Variants in LRRC27 observed in about 807,000 individuals in gnomAD.
LRRC27 encodes leucine-rich repeat-containing protein 27.
A neutral mutation model predicts 55.0 loss-of-function variants in LRRC27; 57 were observed. The ratio of observed to expected loss-of-function variants is 1.04; its 90% CI spans 0.84 to 1.29. The LOEUF is 1.29. Ranked by LOEUF, LRRC27 falls within the 50% of genes most tolerant of loss-of-function variation. The pLI is 0.00. For synonymous variants in LRRC27, 278 were observed against 251.9 expected, an observed-to-expected ratio of 1.10 and a Z score of -0.98; for missense variants, 721 against 651.5, an observed-to-expected ratio of 1.11 and a Z score of -1.16.
rs2069409204 is a variant in LRRC27, at chr10:132,381,466, T to A, written c.*6224T>A. 6.6e-6 allele frequency among the ~76,000 whole-genome samples: 1 copy of A among 152,244 alleles called. No homozygotes were observed. The highest frequency in any genetic ancestry group is 1.5e-5 in the Non-Finnish European group (1 of 68,046). Reference sequence around the variant, plus strand: ...CCTATTGTGGGACTTCACCCTGTGATCCTGTGCCTCAGTTCTCCTTAATAA... The same window carrying A: ...CCTATTGTGGGACTTCACCCTGTGAACCTGTGCCTCAGTTCTCCTTAATAA... On this transcript the variant is annotated 3_prime_UTR_variant, in exon 11 of 11. Transcript: ENST00000368614.
chr10:132,370,617 G>A (rs1328965713), intron 10 of LRRC27, among the ~76,000 whole-genome samples: 1 of 152,224 alleles, frequency 6.6e-6, no homozygotes, highest in Non-Finnish European at 1.5e-5. Context: ...CCGGGCGGGT[G>A]GGCCAGGGGA....
Position 132,336,722 on chromosome 10 carries a change from G to A in LRRC27, c.211-843G>A, listed in dbSNP as rs2067150352. ...CAAGGTCACACAGCCAATAGATTTT[G>A]AAACCTAGATGTGGATCCAGGCAGT... On this transcript the variant is annotated intron_variant, in intron 2 of 10. Transcript: ENST00000368614. The A allele has an allele frequency of 4.0e-6, 3 of 742,446 alleles. No individual in the cohort carries two copies. The East Asian group carries it at 7.5e-5, about 19-fold the overall frequency. 46.0% of individuals were successfully genotyped at this position (742,446 alleles called of 1,614,324 possible).
intron 4 of LRRC27, among the ~76,000 whole-genome samples, chr10:132,343,964 C>A (rs1168608760): frequency 1.3e-5 from 2 of 152,342 alleles, no homozygotes; most frequent in Non-Finnish European, 2.9e-5. Flanking sequence ...ACATAATTTC[C>A]ATTTTTAGTG....
chr10:132,353,277 C>G (rs1238598285), intron 7 of LRRC27: 1 of 1,242,166 alleles, frequency 8.1e-7, no homozygotes, highest in African/African-American at 1.5e-5. Flanking sequence ...CCGACAATCT[C>G]TCCTTCCCTG....
chr10:132,352,752 C>G (rs1227750378), intron 7 of LRRC27: 3 of 967,124 alleles, frequency 3.1e-6, no homozygotes, highest in Non-Finnish European at 4.7e-6. Context: ...TTTGCAGCCC[C>G]GAGGCCTCCC....
rs200153614 is a variant in LRRC27 at position 132,375,285 on chromosome 10, C to G, written c.*43C>G. On this transcript the variant is annotated 3_prime_UTR_variant, in exon 11 of 11. Coordinates refer to ENST00000368614, the MANE Select transcript of LRRC27 (RefSeq NM_030626.3). ...GATGGAGACGTCTTCAGACAGGAGC[C>G]GCTCAGTCTTCTTTCCCGGGCGTCG... 7 of 1,562,710 alleles carry G rather than the reference C, an allele frequency of 4.5e-6. No homozygotes were observed. The highest frequency in any genetic ancestry group is 6.1e-6 in the Non-Finnish European group (7 of 1,148,570).
rs1590717717 is a variant in LRRC27 at position 132,364,463 on chromosome 10, A to G, written c.1290-961A>G. ...TACCTCCACACCCACACTCACACCC[A>G]CCCACACTTACACCCACCCACACTT... On this transcript the variant is annotated intron_variant, in intron 9 of 10. Coordinates refer to ENST00000368614, the MANE Select transcript of LRRC27 (RefSeq NM_030626.3). Among the ~76,000 whole-genome samples, 28 of 132,056 alleles carry G rather than the reference A, an allele frequency of 2.1e-4. 1 individual carries two copies. Among genetic ancestry groups the G allele is most frequent in the African/African-American group, 3.0e-4 (10 of 33,686 alleles). 86.6% of individuals were successfully genotyped at this position (132,056 alleles called of 152,430 possible). A position where few individuals can be genotyped will look rare whatever the true frequency, so the allele number is the denominator to read the frequency against.
intron 10 of LRRC27, 56 bp downstream of exon 10, chr10:132,365,606 G>GT: frequency 1.3e-6 from 2 of 1,581,704 alleles, no homozygotes; most frequent in Non-Finnish European, 8.6e-7. Context: ...GTTTTGTTTT[G>GT]TTTTTGTTTT....
In LRRC27 at chr10:132,353,819, A is replaced by T. The variant is rs941375226; in HGVS notation, c.1074-1971A>T. Among the ~76,000 whole-genome samples the T allele has an allele frequency of 2.0e-5, 3 of 151,948 alleles. No homozygotes were observed. The East Asian group carries it at 5.8e-4, about 29-fold the overall frequency. On this transcript the variant is annotated intron_variant, in intron 7 of 10. Transcript: ENST00000368614. ...CGGGCCCGTCACTCACTGCGAGGTGAGCCCCCCAGGACCGGCCCCGCCTGT... is the reference window on the plus strand; with the variant it reads ...CGGGCCCGTCACTCACTGCGAGGTGTGCCCCCCAGGACCGGCCCCGCCTGT...
rs550721223 is a variant in LRRC27, at chr10:132,375,327, G to A, written c.*85G>A. The A allele has an allele frequency of 4.4e-5, 57 of 1,304,528 alleles. No individual in the cohort carries two copies. Among genetic ancestry groups the A allele is most frequent in the East Asian group, 3.3e-4 (14 of 42,348 alleles). 80.8% of individuals were successfully genotyped at this position (1,304,528 alleles called of 1,614,324 possible). On this transcript the variant is annotated 3_prime_UTR_variant, in exon 11 of 11. Coordinates refer to ENST00000368614, the MANE Select transcript of LRRC27 (RefSeq NM_030626.3). ...CGGGCGTCGCCTCCTGTGTGGTGCC[G>A]GAAGAGCGCCAGGTTCAGTGTTACC...
chr10:132,330,513 G>C, upstream of LRRC27: 1 of 716,670 alleles, frequency 1.4e-6, no homozygotes, highest in Non-Finnish European at 2.6e-6. Context: ...GGGTATGTAC[G>C]AAAACTTTTT....
chr10:132,362,320 G>A (rs929983243), intron 9 of LRRC27, among the ~76,000 whole-genome samples: 1 of 152,176 alleles, frequency 6.6e-6, no homozygotes, highest in African/African-American at 2.4e-5. Flanking sequence ...TATTTGGGAA[G>A]CCTGGTGCTA....
Position 132,348,328 on chromosome 10 carries a change from G to T in LRRC27, c.898G>T (p.Glu300Ter), listed in dbSNP as rs1207982002. 6.2e-7 allele frequency: 1 copy of T among 1,613,168 alleles called. No individual in the cohort carries two copies. The highest frequency in any genetic ancestry group is 1.1e-5 in the South Asian group (1 of 91,074). Residue 300 changes from glutamate to a stop codon, truncating the protein, a stop_gained, in exon 6 of 11, where the codon GAA (glutamate) becomes TAA (stop). Transcript: ENST00000368614. LOFTEE classifies it high-confidence loss of function. The surrounding 1 kb of genome is among the most constrained non-coding windows in gnomAD (Gnocchi z 4.2). ...NLKAALNIEK[E>*]LPKPRHVFRR... ...CAAGGCGGCCTTGAACATTGAGAAA[G>T]AACTACCAAAGCCAAGACACGTTTT...
At chr10:132,331,603 G>T (rs1358263264), upstream of LRRC27, 2 of 1,612,774 alleles carry the variant, frequency 1.2e-6, no homozygotes, top group Admixed American at 3.3e-5. Flanking sequence ...CGCGGGGAGT[G>T]AGCCCAGCGG....
intron 2 of LRRC27, chr10:132,337,216 A>G: frequency 8.5e-7 from 1 of 1,174,540 alleles, no homozygotes; most frequent in South Asian, 2.2e-5. Flanking sequence ...GTGCTGCGGC[A>G]GGCACTGGAG....
At chr10:132,340,047 G>A (rs959254571) in intron 3 of LRRC27, among the ~76,000 whole-genome samples, 2 of 152,128 alleles carry the variant, frequency 1.3e-5, no homozygotes, top group Admixed American at 6.5e-5. Flanking sequence ...AAACAGTGAC[G>A]GTGTTAGCAT....
Position 132,333,622 on chromosome 10 carries a change from A to G in LRRC27, c.98A>G (p.Lys33Arg), listed in dbSNP as rs375547940. 5 of 1,613,110 alleles carry G rather than the reference A, an allele frequency of 3.1e-6. No individual in the cohort carries two copies. The African/African-American group carries it at 5.3e-5, about 17-fold the overall frequency. The change falls in exon 2 of 11, where the codon AAA becomes AGA. Residue 33 changes from lysine (K) to arginine (R), a missense_variant. By Grantham distance (26) the Lys-to-Arg change is conservative. Coordinates refer to ENST00000368614, the MANE Select transcript of LRRC27 (RefSeq NM_030626.3). ...QTRSLPATPS[K>R]DVHKGVGGII... ...AGGAGCTTGCCTGCCACCCCCTCCA[A>G]AGATGTTCACAAGGGTGTTGGAGGC...
At chr10:132,353,551 C>T (rs921094303) in intron 7 of LRRC27, among the ~76,000 whole-genome samples, 3 of 152,216 alleles carry the variant, frequency 2.0e-5, no homozygotes, top group Admixed American at 6.5e-5. Context: ...AGGTGAAGTC[C>T]TCAGAACTGG....
upstream of LRRC27, chr10:132,331,390 T>C: frequency 6.4e-7 from 1 of 1,561,070 alleles, no homozygotes; most frequent in Non-Finnish European, 8.7e-7. Context: ...CCCGGTGTCA[T>C]TTCATCTTCT....
Sources: allele counts gnomAD v4.1 joint callset (sites outside exome capture counted in the v4.1 genomes callset), GRCh38; gene constraint gnomAD v4.1.1; non-coding constraint Gnocchi (gnomAD v3.1); transcripts MANE v1.5; gene names NCBI Gene and HGNC (gene_info 2026-07-23, HGNC 2026-07-21).